Variants in ROR2 observed in about 807,000 individuals in gnomAD.
ROR2 encodes tyrosine-protein kinase transmembrane receptor ROR2.
In ROR2, 33 loss-of-function variants were observed where a neutral mutation model predicts 74.9. The ratio of observed to expected loss-of-function variants is 0.44; its 90% CI spans 0.33 to 0.59. ROR2 has a LOEUF of 0.59. Among genes scored for constraint, ROR2 ranks in the 20% least tolerant of loss-of-function variants. ROR2 has a pLI of 0.02. For missense variants in ROR2, 1,216 were observed against 1,313.8 expected (o/e 0.93, Z 1.15); for synonymous variants, 586 against 558.7 (o/e 1.05, Z -0.69).
chr9:91,820,566 T>G (rs561527994), intron 1 of ROR2, among the ~76,000 whole-genome samples: 1 of 147,582 alleles, frequency 6.8e-6, no homozygotes, highest in Non-Finnish European at 1.5e-5. Context: ...GCTGGCTCCC[T>G]CCCTCCCCTC....
intron 1 of ROR2, among the ~76,000 whole-genome samples, chr9:91,791,369 T>G (rs752008924): frequency 1.6e-4 from 25 of 152,234 alleles, no homozygotes; most frequent in Non-Finnish European, 2.9e-4. Flanking sequence ...AGGCTAAACC[T>G]TCTAGGTTTG....
At chr9:91,774,724 GAA>G (rs1157770664) in intron 2 of ROR2, among the ~76,000 whole-genome samples, 2 of 152,198 alleles carry the variant, frequency 1.3e-5, no homozygotes, top group African/African-American at 4.8e-5. Flanking sequence ...CTATGTGTGA[GAA>G]AACAGGAACT....
intron 1 of ROR2, among the ~76,000 whole-genome samples, chr9:91,873,657 CCA>C (rs1337261807): frequency 7.2e-5 from 11 of 152,120 alleles, no homozygotes; most frequent in African/African-American, 2.4e-4. Flanking sequence ...TGTTGCAATC[CCA>C]CAGACATCTG....
At chr9:91,948,959 C>G (rs1051760011) in intron 1 of ROR2, 2 of 976,728 alleles carry the variant, frequency 2.0e-6, no homozygotes, top group African/African-American at 1.8e-5. Context: ...CTAGGCAGGT[C>G]CCAAGCTGCA....
chr9:91,786,578 G>A (rs1460728759), intron 1 of ROR2, among the ~76,000 whole-genome samples: 1 of 152,142 alleles, frequency 6.6e-6, no homozygotes, highest in Non-Finnish European at 1.5e-5. Flanking sequence ...CAGCTCAATG[G>A]TGAAGTAGCC....
intron 1 of ROR2, among the ~76,000 whole-genome samples, chr9:91,856,354 T>C (rs1368714040): frequency 6.6e-6 from 1 of 152,230 alleles, no homozygotes; most frequent in African/African-American, 2.4e-5. Flanking sequence ...GACCTTAATA[T>C]GCTCAAAATG....
At position 91,728,974 on chromosome 9, in the gene ROR2, TG is replaced by T. The variant is rs1438828899; in HGVS notation, c.1183+1935del. 1.1e-4 allele frequency among the ~76,000 whole-genome samples: 17 copies of T among 152,304 alleles called. No individual in the cohort carries two copies. In the South Asian group the frequency reaches 3.5e-3, roughly 32 times the overall value. On this transcript the variant is annotated intron_variant, in intron 7 of 8. Coordinates refer to ENST00000375708, the MANE Select transcript of ROR2 (RefSeq NM_004560.4). Reference sequence around the variant, plus strand: ...TCTGCAATAAATATCCTTCCATTTATGCCCTGTAAGTACAAACCTGCGATAC... The same window carrying T: ...TCTGCAATAAATATCCTTCCATTTATCCCTGTAAGTACAAACCTGCGATAC...
intron 1 of ROR2, among the ~76,000 whole-genome samples, chr9:91,830,568 CA>C (rs1828432639): frequency 6.6e-6 from 1 of 152,158 alleles, no homozygotes; most frequent in Admixed American, 6.5e-5. Context: ...ACACAAAACC[CA>C]ACTGCAGAAG....
In ROR2 at chr9:91,722,781, GT is replaced by G. The variant is rs1836845849; in HGVS notation, c.*880del. The G allele has an allele frequency of 1.7e-6, 1 of 597,962 alleles. No individual in the cohort carries two copies. Among genetic ancestry groups the G allele is most frequent in the Admixed American group, 2.8e-5 (1 of 35,654 alleles). 37.0% of individuals were successfully genotyped at this position (597,962 alleles called of 1,614,324 possible). Reference sequence around the variant, plus strand: ...CAAGACCAACTGGATCCCAACGTGGGTAACATAAACAGTTAAATTACTAAAG... The same window carrying G: ...CAAGACCAACTGGATCCCAACGTGGGAACATAAACAGTTAAATTACTAAAG... On this transcript the variant is annotated 3_prime_UTR_variant, in exon 9 of 9. Coordinates refer to ENST00000375708, the MANE Select transcript of ROR2 (RefSeq NM_004560.4).
intron 1 of ROR2, among the ~76,000 whole-genome samples, chr9:91,898,149 C>T (rs1564026533): frequency 6.6e-6 from 1 of 152,232 alleles, no homozygotes; most frequent in Admixed American, 6.5e-5. Context: ...TCTCAAGTGG[C>T]TTTGCCAATT....
intron 1 of ROR2, among the ~76,000 whole-genome samples, chr9:91,795,915 C>A (rs979494345): frequency 1.3e-5 from 2 of 152,190 alleles, no homozygotes; most frequent in African/African-American, 2.4e-5. Context: ...ACACCCATGA[C>A]CCCTGACTCA....
rs116040586 is a variant in ROR2, at chr9:91,843,825, C to T, written c.98-68007G>A. Among the ~76,000 whole-genome samples the T allele has an allele frequency of 9.6e-3, 1,470 of 152,346 alleles. 26 individuals are homozygous for T. Among genetic ancestry groups the T allele is most frequent in the African/African-American group, 0.033 (1,374 of 41,584 alleles). On this transcript the variant is annotated intron_variant, in intron 1 of 8. Transcript: ENST00000375708. The stretch of plus-strand genomic sequence containing the variant: ...CTTCTCATTGAGGAATGAGTGACCT[C>T]GTTTAGTTAGAAGGGCTTGGCAGAG...
chr9:91,820,597 A>G (rs1034132694), intron 1 of ROR2, among the ~76,000 whole-genome samples: 3 of 149,914 alleles, frequency 2.0e-5, no homozygotes, highest in Non-Finnish European at 4.5e-5. Flanking sequence ...CCACGTGCGC[A>G]ATGCTGTTTC....
intron 4 of ROR2, among the ~76,000 whole-genome samples, chr9:91,752,871 T>TG (rs1279094131): frequency 2.6e-5 from 4 of 152,196 alleles, no homozygotes; most frequent in African/African-American, 9.7e-5. Flanking sequence ...GATGGACAGA[T>TG]GGAGGCTGGA....
intron 1 of ROR2, among the ~76,000 whole-genome samples, chr9:91,793,386 A>C (rs987692317): frequency 5.9e-5 from 9 of 152,288 alleles, no homozygotes; most frequent in African/African-American, 1.9e-4. Flanking sequence ...GAAAAAAAAA[A>C]GCTGAAGTCC....
intron 4 of ROR2, among the ~76,000 whole-genome samples, chr9:91,748,479 G>C (rs1327508824): frequency 6.6e-6 from 1 of 151,984 alleles, no homozygotes; most frequent in Non-Finnish European, 1.5e-5. Flanking sequence ...AGTATTTGTA[G>C]AAAACTTTAA....
chr9:91,928,914 G>A (rs77102707), intron 1 of ROR2, among the ~76,000 whole-genome samples: 2,456 of 152,284 alleles, frequency 0.016, 62 homozygotes, highest in African/African-American at 0.056. Flanking sequence ...TTGAAAAGCC[G>A]TCATGTCAAT....
chr9:91,787,189 G>C (rs1460787512), intron 1 of ROR2, among the ~76,000 whole-genome samples: 1 of 152,206 alleles, frequency 6.6e-6, no homozygotes, highest in Non-Finnish European at 1.5e-5. Context: ...TACTGGCTCA[G>C]ATGTGACCCC....
chr9:91,741,304 G>A (rs116068169), intron 4 of ROR2, among the ~76,000 whole-genome samples: 15,111 of 135,722 alleles, frequency 0.11, 1,110 homozygotes, highest in South Asian at 0.25. Context: ...GTCTCAAGTA[G>A]TAATAATAAT....
Sources: gnomAD v4.1 joint callset for allele counts (sites outside exome capture counted in the v4.1 genomes callset) on GRCh38, gnomAD v4.1.1 for gene constraint, MANE v1.5 for transcripts, NCBI Gene and HGNC (gene_info 2026-07-23, HGNC 2026-07-21) for gene names.